The following PHF24 variants were observed in gnomAD, a reference collection of about 807,000 sequenced individuals.
PHF24 encodes the protein PHD finger protein 24.
A neutral mutation model predicts 42.6 loss-of-function variants in PHF24; 25 were observed. That is an observed-to-expected ratio of 0.59 (90% CI 0.43 to 0.82). The LOEUF is 0.82. Among genes scored for constraint, PHF24 ranks in the 40% least tolerant of loss-of-function variants. The probability of loss-of-function intolerance (pLI) is 0.00; values close to 1 mark genes in which losing one functional copy is unlikely to be tolerated. For synonymous variants in PHF24, 185 were observed against 204.8 expected (o/e 0.90, Z 0.83); for missense variants, 470 against 538.1 (o/e 0.87, Z 1.25).
chr9:34,893,463 T>C, the PHF24 span, among the ~76,000 whole-genome samples: 6 of 142,974 alleles, frequency 4.2e-5, no homozygotes, highest in African/African-American at 1.5e-4. Context: ...TAGCCAGGCA[T>C]GGTGGCGTAT....
chr9:34,932,776 A>G, the PHF24 span, among the ~76,000 whole-genome samples: 5 of 151,558 alleles, frequency 3.3e-5, no homozygotes, highest in African/African-American at 1.2e-4. Context: ...AATAGTTTAT[A>G]AATATATTTT....
At chr9:34,784,505 G>T in the PHF24 span, among the ~76,000 whole-genome samples, 1 of 152,210 alleles carries the variant, frequency 6.6e-6, no homozygotes, top group African/African-American at 2.4e-5. Context: ...TGGTATGGTA[G>T]GTGCAGGGAG....
At chr9:34,824,932 G>A in the PHF24 span, among the ~76,000 whole-genome samples, 51 of 151,794 alleles carry the variant, frequency 3.4e-4, no homozygotes, top group Admixed American at 2.0e-4. Flanking sequence ...AGGTACAGTT[G>A]TTCCTTCTTA....
the PHF24 span, among the ~76,000 whole-genome samples, chr9:34,788,662 G>T: frequency 7.2e-5 from 11 of 152,298 alleles, 1 homozygote; most frequent in South Asian, 2.3e-3. Flanking sequence ...GCTTCAGTTA[G>T]TATAGTTTAG....
At chr9:34,926,598 A>G in the PHF24 span, among the ~76,000 whole-genome samples, 1 of 151,900 alleles carries the variant, frequency 6.6e-6, no homozygotes, top group Non-Finnish European at 1.5e-5. The surrounding 1 kb of genome is among the most constrained non-coding windows in gnomAD (Gnocchi z 4.3). Flanking sequence ...GCCTGCAGGT[A>G]TGCCCACCAG....
the PHF24 span, among the ~76,000 whole-genome samples, chr9:34,860,700 G>A: frequency 2.6e-5 from 4 of 151,920 alleles, no homozygotes; most frequent in Admixed American, 6.6e-5. Context: ...GTGTGTGTGT[G>A]TGTGTGTGCA....
the PHF24 span, among the ~76,000 whole-genome samples, chr9:34,930,570 A>G: frequency 6.6e-6 from 1 of 152,182 alleles, no homozygotes; most frequent in Non-Finnish European, 1.5e-5. Context: ...GCATTTTCAC[A>G]AAGATCAGGG....
the PHF24 span, among the ~76,000 whole-genome samples, chr9:34,808,352 C>T: frequency 6.6e-6 from 1 of 152,092 alleles, no homozygotes. Flanking sequence ...ATACCAGCTA[C>T]TCCAGAGGCT....
the PHF24 span, among the ~76,000 whole-genome samples, chr9:34,821,061 G>A: frequency 6.6e-6 from 1 of 152,060 alleles, no homozygotes; most frequent in Non-Finnish European, 1.5e-5. Context: ...CATGTCCTTT[G>A]CCCATAAAGT....
chr9:34,796,802 C>A, the PHF24 span, among the ~76,000 whole-genome samples: 21 of 152,170 alleles, frequency 1.4e-4, no homozygotes, highest in African/African-American at 5.1e-4. Flanking sequence ...ACCCATCAAC[C>A]CCATTCCTAG....
the PHF24 span, among the ~76,000 whole-genome samples, chr9:34,687,351 G>A: frequency 6.6e-6 from 1 of 152,132 alleles, no homozygotes; most frequent in East Asian, 1.9e-4. Flanking sequence ...GCAAATGCTG[G>A]CGGTTTAGCA....
chr9:34,689,890 C>T, the PHF24 span: 3 of 1,614,098 alleles, frequency 1.9e-6, no homozygotes, highest in East Asian at 4.5e-5. The surrounding 1 kb of genome is among the most constrained non-coding windows in gnomAD (Gnocchi z 4.1). Context: ...TAGACAGGAG[C>T]TCAGAGGGAG....
chr9:34,740,213 G>C, the PHF24 span, among the ~76,000 whole-genome samples: 7 of 152,252 alleles, frequency 4.6e-5, no homozygotes, highest in African/African-American at 1.7e-4. Flanking sequence ...GGAGCTGTCT[G>C]CCAGTCCCCG....
the PHF24 span, chr9:34,690,379 C>A: frequency 1.2e-5 from 20 of 1,602,978 alleles, no homozygotes; most frequent in Non-Finnish European, 1.6e-5. Flanking sequence ...ACACAGGGAC[C>A]CTTGAGGGTG....
At chr9:34,765,755 G>A in the PHF24 span, among the ~76,000 whole-genome samples, 6 of 152,244 alleles carry the variant, frequency 3.9e-5, no homozygotes, top group Non-Finnish European at 8.8e-5. Context: ...GATGTTAGCT[G>A]GTTATTTTGC....
the PHF24 span, among the ~76,000 whole-genome samples, chr9:34,677,389 G>GTTTTTTTTTTTTTTTTT: frequency 3.4e-4 from 27 of 79,776 alleles, 3 homozygotes; most frequent in African/African-American, 1.4e-3. Flanking sequence ...TTTGTAAACT[G>GTTTTTTTTTTTTTTTTT]TTTTTTTTTT....
the PHF24 span, among the ~76,000 whole-genome samples, chr9:34,850,019 C>G: frequency 1.3e-5 from 2 of 152,244 alleles, no homozygotes; most frequent in Admixed American, 6.5e-5. Flanking sequence ...ACCTTTGTCT[C>G]TGGCTGCCCT....
the PHF24 span, among the ~76,000 whole-genome samples, chr9:34,830,002 T>C: frequency 2.0e-5 from 3 of 152,224 alleles, no homozygotes; most frequent in Admixed American, 6.5e-5. Context: ...GTGGAAAGAC[T>C]GGGTCAGAAA....
At chr9:34,824,522 G>A in the PHF24 span, among the ~76,000 whole-genome samples, 4 of 151,770 alleles carry the variant, frequency 2.6e-5, no homozygotes, top group Non-Finnish European at 5.9e-5. Flanking sequence ...GAATCATGGT[G>A]ATATTAAAGT....
Sources: allele counts gnomAD v4.1 joint callset (sites outside exome capture counted in the v4.1 genomes callset), GRCh38; gene constraint gnomAD v4.1.1; non-coding constraint Gnocchi (gnomAD v3.1); transcripts MANE v1.5; gene names NCBI Gene and HGNC (gene_info 2026-07-23, HGNC 2026-07-21).